ROBO2: variants seen among roughly 807,000 people sequenced by gnomAD.
ROBO2 encodes the protein roundabout homolog 2.
A neutral mutation model predicts 160.8 loss-of-function variants in ROBO2; 53 were observed. That is an observed-to-expected ratio of 0.33 (90% CI 0.26 to 0.41). The LOEUF (loss-of-function observed/expected upper bound fraction) is 0.41. Ranked by LOEUF, ROBO2 falls within the 10% of genes least tolerant of loss-of-function variation. The pLI, the probability that ROBO2 is intolerant of heterozygous loss-of-function variation, is 1.00. For missense variants in ROBO2, 1,577 were observed against 1,722.4 expected (o/e 0.92, Z 1.49); for synonymous variants, 664 against 611.7 (o/e 1.09, Z -1.26).
intron 1 of ROBO2, among the ~76,000 whole-genome samples, chr3:77,074,086 A>G (rs1342595627): frequency 6.6e-6 from 1 of 152,248 alleles, no homozygotes; most frequent in African/African-American, 2.4e-5. Flanking sequence ...TTCATTAAAC[A>G]GGTGATGTTA....
chr3:76,973,389 G>T (rs2059663290), intron 2 of ROBO2, among the ~76,000 whole-genome samples: 1 of 151,966 alleles, frequency 6.6e-6, no homozygotes, highest in South Asian at 2.1e-4. Context: ...AGTATAAGAA[G>T]TATAAGAAAA....
intron 2 of ROBO2, among the ~76,000 whole-genome samples, chr3:76,962,468 G>A (rs1035860682): frequency 2.6e-5 from 4 of 151,570 alleles, no homozygotes; most frequent in Non-Finnish European, 4.4e-5. Context: ...GAGAAAGCCC[G>A]TTTCTACTAA....
chr3:77,039,706 G>A (rs1165114471), upstream of ROBO2, among the ~76,000 whole-genome samples: 1 of 151,832 alleles, frequency 6.6e-6, no homozygotes, highest in Admixed American at 6.6e-5. Context: ...GGCCGAGTCC[G>A]GAGGTTCAGG....
chr3:76,748,998 T>A (rs2093936621), intron 2 of ROBO2, among the ~76,000 whole-genome samples: 1 of 151,832 alleles, frequency 6.6e-6, no homozygotes, highest in Non-Finnish European at 1.5e-5. Flanking sequence ...AAAATATTTA[T>A]GATACACTAA....
At chr3:76,772,505 C>G (rs1023940073) in intron 2 of ROBO2, among the ~76,000 whole-genome samples, 1 of 134,200 alleles carries the variant, frequency 7.5e-6, no homozygotes, top group Non-Finnish European at 1.6e-5. Context: ...GACATTATAC[C>G]TTGGGTTTTT....
chr3:75,980,870 G>A (rs2065255453), intron 2 of ROBO2, among the ~76,000 whole-genome samples: 2 of 150,036 alleles, frequency 1.3e-5, no homozygotes, highest in South Asian at 4.2e-4. Context: ...AATAAGATAG[G>A]GAATAATAAC....
chr3:76,405,981 T>G (rs981219518), intron 2 of ROBO2, among the ~76,000 whole-genome samples: 2 of 151,710 alleles, frequency 1.3e-5, no homozygotes, highest in Non-Finnish European at 3.0e-5. Context: ...TTTCCTAATA[T>G]TATAAGCTTT....
At chr3:76,943,725 G>C (rs535509855) in intron 2 of ROBO2, among the ~76,000 whole-genome samples, 98 of 152,188 alleles carry the variant, frequency 6.4e-4, no homozygotes, top group Admixed American at 4.4e-3. Flanking sequence ...CTGGTTCCTT[G>C]AAAAGTCATA....
intron 21 of ROBO2, among the ~76,000 whole-genome samples, chr3:77,613,396 G>A (rs566841212): frequency 1.3e-5 from 2 of 152,030 alleles, no homozygotes; most frequent in Admixed American, 6.5e-5. Flanking sequence ...CCTTGGCAAC[G>A]AACGAGTGTA....
At chr3:76,145,745 T>C (rs2071861919) in intron 2 of ROBO2, among the ~76,000 whole-genome samples, 1 of 152,008 alleles carries the variant, frequency 6.6e-6, no homozygotes, top group Admixed American at 6.6e-5. Flanking sequence ...CTAACTGAAG[T>C]AAAATGTTGT....
chr3:76,853,038 T>C (rs2069585075), intron 2 of ROBO2, among the ~76,000 whole-genome samples: 1 of 152,064 alleles, frequency 6.6e-6, no homozygotes, highest in Non-Finnish European at 1.5e-5. Context: ...TGGATGTATG[T>C]TGTGATTTAC....
chr3:76,199,349 G>T (rs1332443088), intron 2 of ROBO2, among the ~76,000 whole-genome samples: 1 of 152,058 alleles, frequency 6.6e-6, no homozygotes, highest in Non-Finnish European at 1.5e-5. Flanking sequence ...AGAAAAATGG[G>T]TACCTTGGTC....
At chr3:76,236,003 A>G (rs1704921947) in intron 2 of ROBO2, among the ~76,000 whole-genome samples, 1 of 152,178 alleles carries the variant, frequency 6.6e-6, no homozygotes, top group Non-Finnish European at 1.5e-5. Flanking sequence ...ATATGTCAAT[A>G]AACTTTAAGG....
At chr3:77,458,259 G>A (rs747930346) in intron 2 of ROBO2, among the ~76,000 whole-genome samples, 7 of 152,158 alleles carry the variant, frequency 4.6e-5, no homozygotes, top group Admixed American at 3.3e-4. Flanking sequence ...AGCTGAAGAC[G>A]CAAGATTCTG....
At chr3:77,426,454 G>T (rs1042578151) in intron 2 of ROBO2, among the ~76,000 whole-genome samples, 2 of 152,014 alleles carry the variant, frequency 1.3e-5, no homozygotes, top group Admixed American at 6.6e-5. Context: ...GAAATCAGGC[G>T]TGAGATTAAG....
intron 2 of ROBO2, among the ~76,000 whole-genome samples, chr3:76,272,926 ATT>A (rs1360162167): frequency 7.7e-5 from 2 of 25,852 alleles, no homozygotes; most frequent in Non-Finnish European, 1.0e-4. Context: ...AAATATATAT[ATT>A]TATATATAAA....
intron 2 of ROBO2, among the ~76,000 whole-genome samples, chr3:76,537,956 G>C (rs556594991): frequency 1.3e-4 from 20 of 152,146 alleles, no homozygotes; most frequent in African/African-American, 3.9e-4. Flanking sequence ...GATCAGTTAG[G>C]GTAGGGCAGG....
At chr3:77,087,808 CAT>C (rs760392919) in intron 1 of ROBO2, among the ~76,000 whole-genome samples, 21 of 151,578 alleles carry the variant, frequency 1.4e-4, no homozygotes, top group Non-Finnish European at 2.8e-4. Context: ...ATCATGGAGT[CAT>C]AGGAATGTTG....
intron 25 of ROBO2, 116 bp from the exon 28 acceptor site, chr3:77,645,933 ACTCAT>A (rs2095408833): frequency 1.7e-6 from 1 of 589,332 alleles, no homozygotes; most frequent in South Asian, 2.8e-5. Flanking sequence ...AAATTCACAA[ACTCAT>A]CTATCTGAAG....
Sources: allele counts gnomAD v4.1 joint callset (sites outside exome capture counted in the v4.1 genomes callset), GRCh38; gene constraint gnomAD v4.1.1; transcripts MANE v1.5; gene names NCBI Gene and HGNC (gene_info 2026-07-23, HGNC 2026-07-21).